CDH18: variants seen among roughly 807,000 people sequenced by gnomAD.
CDH18 encodes cadherin 18.
In CDH18, 31 loss-of-function variants were observed where a neutral mutation model predicts 67.9. The observed-to-expected ratio is 0.46, with a 90% CI of 0.34 to 0.62. The LOEUF is 0.62. Ranked by LOEUF, CDH18 falls within the 20% of genes least tolerant of loss-of-function variation. The pLI, the probability that CDH18 is intolerant of heterozygous loss-of-function variation, is 0.01. For missense variants in CDH18, 890 were observed against 975.5 expected (o/e 0.91, Z 1.17); for synonymous variants, 362 against 347.2 (o/e 1.04, Z -0.48).
intron 11 of CDH18, among the ~76,000 whole-genome samples, chr5:19,493,536 G>A (rs1741809288): frequency 8.3e-6 from 1 of 120,024 alleles, no homozygotes; most frequent in African/African-American, 3.3e-5. Flanking sequence ...GAGGGAATTG[G>A]GGTGTGTGTG....
chr5:20,191,849 T>C (rs1580444006), intron 2 of CDH18, among the ~76,000 whole-genome samples: 1 of 152,198 alleles, frequency 6.6e-6, no homozygotes, highest in African/African-American at 2.4e-5. Context: ...AGTAGAATGA[T>C]GTATATTCTT....
intron 2 of CDH18, among the ~76,000 whole-genome samples, chr5:19,968,353 A>G (rs563426741): frequency 6.6e-6 from 1 of 152,310 alleles, no homozygotes; most frequent in South Asian, 2.1e-4. Context: ...TTTAAAGTTC[A>G]TATGGAACCA....
intron 2 of CDH18, among the ~76,000 whole-genome samples, chr5:20,014,746 C>G (rs984537738): frequency 6.6e-6 from 1 of 152,040 alleles, no homozygotes; most frequent in African/African-American, 2.4e-5. Context: ...TTGGAGCCTC[C>G]GTCTGAGTAA....
chr5:20,169,853 T>C (rs576302058), intron 2 of CDH18, among the ~76,000 whole-genome samples: 1 of 152,256 alleles, frequency 6.6e-6, no homozygotes, highest in East Asian at 1.9e-4. Flanking sequence ...GGAAAACATA[T>C]TTATTAAACT....
intron 1 of CDH18, among the ~76,000 whole-genome samples, chr5:20,530,840 G>A (rs62352731): frequency 0.021 from 3,236 of 152,130 alleles, 69 homozygotes; most frequent in African/African-American, 0.044. Context: ...AAGATTTTAT[G>A]AGGAAATCAC....
At chr5:19,558,732 G>T (rs1307473929) in intron 8 of CDH18, among the ~76,000 whole-genome samples, 1 of 151,838 alleles carries the variant, frequency 6.6e-6, no homozygotes, top group African/African-American at 2.4e-5. Flanking sequence ...AGCAAAAATT[G>T]GTACCAATCC....
intron 4 of CDH18, among the ~76,000 whole-genome samples, chr5:19,742,166 A>C (rs951454929): frequency 1.3e-5 from 2 of 152,174 alleles, no homozygotes; most frequent in Non-Finnish European, 2.9e-5. Context: ...CAAGAAATAT[A>C]CAACCACATT....
intron 1 of CDH18, among the ~76,000 whole-genome samples, chr5:20,456,940 T>A (rs1750876876): frequency 6.6e-6 from 1 of 152,186 alleles, no homozygotes; most frequent in Non-Finnish European, 1.5e-5. Flanking sequence ...ACGAAGTTGA[T>A]TTGTCTTGAC....
intron 8 of CDH18, among the ~76,000 whole-genome samples, chr5:19,555,367 T>A (rs903975758): frequency 1.3e-5 from 2 of 152,126 alleles, no homozygotes; most frequent in African/African-American, 4.8e-5. Flanking sequence ...AGGCTTGTAG[T>A]CTGGGGCAAG....
intron 7 of CDH18, among the ~76,000 whole-genome samples, chr5:19,583,170 T>C (rs1482523407): frequency 1.3e-5 from 2 of 152,002 alleles, no homozygotes; most frequent in Non-Finnish European, 2.9e-5. Flanking sequence ...GTAGTACACA[T>C]AGATACACAC....
chr5:20,336,854 C>G (rs1456673280), intron 1 of CDH18, among the ~76,000 whole-genome samples: 1 of 151,190 alleles, frequency 6.6e-6, no homozygotes, highest in African/African-American at 2.4e-5. Flanking sequence ...TGACCCAGCT[C>G]ATTATAAAGT....
At chr5:20,089,487 GAAA>G (rs529125047) in intron 2 of CDH18, among the ~76,000 whole-genome samples, 22 of 152,080 alleles carry the variant, frequency 1.4e-4, no homozygotes, top group Admixed American at 7.2e-4. Context: ...TTTTGTTTTA[GAAA>G]ATCAATAAAT....
chr5:20,561,460 A>C (rs1561132775), intron 1 of CDH18, among the ~76,000 whole-genome samples: 1 of 152,088 alleles, frequency 6.6e-6, no homozygotes, highest in African/African-American at 2.4e-5. Context: ...AAAGACATGG[A>C]GCAACCTTAA....
intron 5 of CDH18, among the ~76,000 whole-genome samples, chr5:19,647,878 A>T (rs1016608698): frequency 1.3e-5 from 2 of 151,414 alleles, no homozygotes; most frequent in African/African-American, 4.9e-5. Context: ...AGAAAAATTG[A>T]GAAAATCAAT....
At chr5:20,489,142 T>C (rs556207259) in intron 1 of CDH18, among the ~76,000 whole-genome samples, 2 of 152,048 alleles carry the variant, frequency 1.3e-5, no homozygotes, top group Admixed American at 1.3e-4. Context: ...ATATGTATCA[T>C]TCACTATACC....
intron 2 of CDH18, among the ~76,000 whole-genome samples, chr5:20,229,802 G>C (rs1167522096): frequency 1.3e-5 from 2 of 151,974 alleles, no homozygotes; most frequent in Non-Finnish European, 2.9e-5. Context: ...AAAGAGCCCA[G>C]ATTGGGATAA....
At chr5:19,584,793 C>CAAAAAAAAAAAAAAA (rs61297842) in intron 7 of CDH18, among the ~76,000 whole-genome samples, 101 of 74,548 alleles carry the variant, frequency 1.4e-3, no homozygotes, top group South Asian at 2.0e-3. Context: ...ACTAAAAATA[C>CAAAAAAAAAAAAAAA]AAAAAAAAAA....
rs182542378 is a variant in CDH18 at position 19,692,949 on chromosome 5, T to C, written c.643+28398A>G. On this transcript the variant is annotated intron_variant, in intron 5 of 12. Transcript: ENST00000382275. ...AGGTATAACTACACCTCTATATCTATTGCAGCAAATAACTTCACAATAGCA... is the reference window on the plus strand; with the variant it reads ...AGGTATAACTACACCTCTATATCTACTGCAGCAAATAACTTCACAATAGCA... 1.1e-3 allele frequency among the ~76,000 whole-genome samples: 172 copies of C among 152,204 alleles called. 1 individual carries two copies. The highest frequency in any genetic ancestry group is 4.0e-3 in the African/African-American group (165 of 41,554).
chr5:19,933,015 C>G (rs895896517), intron 2 of CDH18, among the ~76,000 whole-genome samples: 3 of 151,538 alleles, frequency 2.0e-5, no homozygotes, highest in Non-Finnish European at 4.4e-5. Flanking sequence ...ATAATAATAC[C>G]TAATACCTTA....
Sources: gnomAD v4.1 joint callset for allele counts (sites outside exome capture counted in the v4.1 genomes callset) on GRCh38, gnomAD v4.1.1 for gene constraint, MANE v1.5 for transcripts, NCBI Gene and HGNC (gene_info 2026-07-23, HGNC 2026-07-21) for gene names.